EYS: variants seen among roughly 807,000 people sequenced by gnomAD.
The protein encoded by EYS is protein eyes shut homolog.
EYS carries 250 observed loss-of-function variants against 282.1 expected under a neutral mutation model. The observed-to-expected ratio is 0.89, with a 90% CI of 0.80 to 0.98. EYS has a LOEUF of 0.98. Ranked by LOEUF, EYS falls within the 50% of genes least tolerant of loss-of-function variation. EYS has a pLI of 0.00. For synonymous variants in EYS, 1,355 were observed against 1,282.9 expected (o/e 1.06, Z -1.20); for missense variants, 4,016 against 3,709.0 (o/e 1.08, Z -2.15).
chr6:64,780,673 T>A (rs952903141), intron 22 of EYS, among the ~76,000 whole-genome samples: 2 of 152,084 alleles, frequency 1.3e-5, no homozygotes, highest in Non-Finnish European at 2.9e-5. Flanking sequence ...ATAATAATAA[T>A]AAAATAATCC....
chr6:63,846,166 G>A (rs1013302068), intron 36 of EYS, among the ~76,000 whole-genome samples: 2 of 152,016 alleles, frequency 1.3e-5, no homozygotes, highest in Admixed American at 1.3e-4. Context: ...AAAATGCAAC[G>A]GATATAGCTA....
At chr6:64,309,014 A>T (rs1164002506) in intron 29 of EYS, among the ~76,000 whole-genome samples, 2 of 152,098 alleles carry the variant, frequency 1.3e-5, no homozygotes, top group Non-Finnish European at 2.9e-5. Flanking sequence ...TACTTAATTT[A>T]AAAATAAAGT....
At chr6:63,763,782 T>C (rs1014836184) in intron 40 of EYS, among the ~76,000 whole-genome samples, 2 of 151,404 alleles carry the variant, frequency 1.3e-5, no homozygotes, top group East Asian at 1.9e-4. Context: ...TATGTCTTTA[T>C]TAGCAGCCTG....
chr6:65,413,564 T>G (rs1767111051), intron 5 of EYS, among the ~76,000 whole-genome samples: 1 of 151,812 alleles, frequency 6.6e-6, no homozygotes, highest in African/African-American at 2.4e-5. Context: ...GATAGGTTGT[T>G]TAAGAGCAAA....
intron 30 of EYS, among the ~76,000 whole-genome samples, chr6:64,306,125 C>T (rs1769435566): frequency 1.4e-5 from 2 of 144,120 alleles, no homozygotes; most frequent in South Asian, 4.2e-4. Context: ...TGAAAAGATG[C>T]TCAATAACAA....
intron 31 of EYS, among the ~76,000 whole-genome samples, chr6:64,086,456 C>CA (rs1260566444): frequency 6.6e-6 from 1 of 152,122 alleles, no homozygotes; most frequent in Non-Finnish European, 1.5e-5. Context: ...TCAAGTAAGC[C>CA]AGGCCCTCCA....
chr6:63,754,181 T>TTTTA (rs1769417561), intron 41 of EYS, among the ~76,000 whole-genome samples: 1 of 152,122 alleles, frequency 6.6e-6, no homozygotes, highest in Non-Finnish European at 1.5e-5. Context: ...AGGGACACTA[T>TTTTA]TTTATTTATT....
intron 22 of EYS, among the ~76,000 whole-genome samples, chr6:64,781,915 A>G (rs1409142041): frequency 6.6e-6 from 1 of 152,220 alleles, no homozygotes; most frequent in African/African-American, 2.4e-5. Flanking sequence ...ATAAAACATG[A>G]AATGGTTGAA....
intron 2 of EYS, among the ~76,000 whole-genome samples, chr6:65,591,964 T>C (rs1445278069): frequency 2.6e-5 from 4 of 152,036 alleles, no homozygotes; most frequent in African/African-American, 9.7e-5. Flanking sequence ...CACAGTGCTA[T>C]GATGAGAACA....
chr6:64,960,374 T>C (rs958363847), intron 14 of EYS, among the ~76,000 whole-genome samples: 3 of 152,182 alleles, frequency 2.0e-5, no homozygotes, highest in African/African-American at 7.2e-5. Flanking sequence ...ACAAAAATGA[T>C]TTTGAAAGGA....
At chr6:64,342,222 A>C (rs1028136122) in intron 29 of EYS, among the ~76,000 whole-genome samples, 1 of 151,576 alleles carries the variant, frequency 6.6e-6, no homozygotes, top group Non-Finnish European at 1.5e-5. Flanking sequence ...TGTCTATTCC[A>C]ATGTTTTAAA....
At chr6:64,960,276 GTAAA>G (rs1428793840) in intron 14 of EYS, among the ~76,000 whole-genome samples, 1 of 151,962 alleles carries the variant, frequency 6.6e-6, no homozygotes, top group Non-Finnish European at 1.5e-5. Context: ...TGTAGAATAT[GTAAA>G]TAGTTACTTT....
intron 31 of EYS, among the ~76,000 whole-genome samples, chr6:64,200,323 G>C: frequency 6.6e-6 from 1 of 152,154 alleles, no homozygotes; most frequent in South Asian, 2.1e-4. Flanking sequence ...CTAATATAAA[G>C]TATCTACTTT....
At chr6:64,348,457 T>G (rs1349918838) in intron 29 of EYS, among the ~76,000 whole-genome samples, 1 of 29,576 alleles carries the variant, frequency 3.4e-5, no homozygotes, top group Non-Finnish European at 7.6e-5. Flanking sequence ...TGGAAGTAAC[T>G]TTCAGATATG....
intron 30 of EYS, among the ~76,000 whole-genome samples, chr6:64,297,461 A>G (rs1041121862): frequency 2.0e-5 from 3 of 152,236 alleles, no homozygotes; most frequent in Non-Finnish European, 2.9e-5. Context: ...TCAGAGCTAC[A>G]TGGATACATA....
chr6:64,467,837 G>T (rs1775976347), intron 26 of EYS, among the ~76,000 whole-genome samples: 1 of 152,130 alleles, frequency 6.6e-6, no homozygotes, highest in South Asian at 2.1e-4. Context: ...AGCCTACTCA[G>T]CTTGCCACTG....
intron 33 of EYS, among the ~76,000 whole-genome samples, chr6:64,053,253 A>G (rs1440317752): frequency 6.6e-6 from 1 of 152,130 alleles, no homozygotes; most frequent in African/African-American, 2.4e-5. Flanking sequence ...GAAAAATGGC[A>G]GTCATATAAG....
At chr6:65,478,730 G>GT in intron 5 of EYS, among the ~76,000 whole-genome samples, 1 of 152,208 alleles carries the variant, frequency 6.6e-6, no homozygotes, top group East Asian at 1.9e-4. Flanking sequence ...GAAGGGCCCT[G>GT]TTTAGAATCA....
chr6:63,751,128 G>A (rs1769331129), intron 41 of EYS, among the ~76,000 whole-genome samples: 1 of 152,030 alleles, frequency 6.6e-6, no homozygotes, highest in Non-Finnish European at 1.5e-5. Context: ...TTCTAAAATA[G>A]ATTAATTCCC....
Sources: allele counts gnomAD v4.1 joint callset (sites outside exome capture counted in the v4.1 genomes callset), GRCh38; gene constraint gnomAD v4.1.1; transcripts MANE v1.5; gene names NCBI Gene and HGNC (gene_info 2026-07-23, HGNC 2026-07-21).